ABCG5: variants seen among roughly 807,000 people sequenced by gnomAD.
ABCG5 encodes the protein ATP-binding cassette sub-family G member 5.
A neutral mutation model predicts 64.5 loss-of-function variants in ABCG5; 64 were observed. The ratio of observed to expected loss-of-function variants is 0.99; its 90% confidence interval spans 0.81 to 1.22. The LOEUF is 1.22. ABCG5 is among the 50% of genes most tolerant of loss of function. The probability of loss-of-function intolerance (pLI) is 0.00; values close to 1 mark genes in which losing one functional copy is unlikely to be tolerated. For missense variants in ABCG5, 908 were observed against 829.5 expected (o/e 1.09, Z -1.16); for synonymous variants, 385 against 326.3 (o/e 1.18, Z -1.94).
In ABCG5 at chr2:43,824,983, C is replaced by A; in HGVS notation, c.810G>T (p.Glu270Asp). The change falls in exon 7 of 13, where the codon GAG becomes GAT. Residue 270 changes from glutamate to aspartate, a missense_variant. Coordinates refer to ENST00000405322, the MANE Select transcript of ABCG5 (RefSeq NM_022436.3). Reference protein sequence around the residue: ...FDKIAILSFGELIFCGTPAEM... With the variant: ...FDKIAILSFGDLIFCGTPAEM... ...CCGCTGGCGTGCCACAGAAAATCAG[C>A]TCTCCGAAGCTCAGGATGGCAATTT... 1 of 1,613,970 alleles carries A rather than the reference C, an allele frequency of 6.2e-7. No individual in the cohort carries two copies. The highest frequency in any genetic ancestry group is 1.3e-5 in the African/African-American group (1 of 75,056).
At chr2:43,809,224 T>C (rs1411835425), downstream of ABCG5, among the ~76,000 whole-genome samples, 1 of 152,106 alleles carries the variant, frequency 6.6e-6, no homozygotes, top group African/African-American at 2.4e-5. Flanking sequence ...ATTCCTGGGC[T>C]CAAGCAATTC....
intron 2 of ABCG5, among the ~76,000 whole-genome samples, chr2:43,835,388 C>T (rs1408599557): frequency 6.6e-6 from 1 of 152,100 alleles, no homozygotes; most frequent in Admixed American, 6.6e-5. Flanking sequence ...AGGACTGCAA[C>T]AGGTGAAAAT....
chr2:43,810,965 G>A (rs1666460725), downstream of ABCG5, among the ~76,000 whole-genome samples: 2 of 152,182 alleles, frequency 1.3e-5, no homozygotes, highest in South Asian at 4.1e-4. Flanking sequence ...ACTGTCACAT[G>A]TTGAAAGCCA....
At chr2:43,824,832 C>G (rs1667487459) in intron 7 of ABCG5, 57 bp downstream of exon 7, 1 of 1,605,888 alleles carries the variant, frequency 6.2e-7, no homozygotes, top group Non-Finnish European at 8.5e-7. Flanking sequence ...AGGCAGAAGT[C>G]TGAGATGAGA....
rs199645586 is a variant in ABCG5 at position 43,827,958 on chromosome 2, A to C, written c.634+25T>G. 57 of 1,613,606 alleles carry C rather than the reference A, an allele frequency of 3.5e-5. No individual in the cohort carries two copies. The African/African-American group carries it at 7.2e-4, about 20-fold the overall frequency. On this transcript the variant is annotated intron_variant, in intron 5 of 12. Coordinates refer to ENST00000405322, the MANE Select transcript of ABCG5 (RefSeq NM_022436.3). ...CACAGAAGATGCCCAGACAGCAGCTAGTAACAGTTCTGGGTGCCACTTACT... is the reference window on the plus strand; with the variant it reads ...CACAGAAGATGCCCAGACAGCAGCTCGTAACAGTTCTGGGTGCCACTTACT...
chr2:43,808,716 C>A (rs1167620929), downstream of ABCG5, among the ~76,000 whole-genome samples: 1 of 152,130 alleles, frequency 6.6e-6, no homozygotes, highest in Non-Finnish European at 1.5e-5. Context: ...CTGCCCTCTC[C>A]CTATCTGTGT....
downstream of ABCG5, among the ~76,000 whole-genome samples, chr2:43,808,637 A>C (rs1458791273): frequency 3.3e-5 from 5 of 152,244 alleles, no homozygotes; most frequent in South Asian, 2.1e-4. Flanking sequence ...TGTAAAGGTA[A>C]GATATACTCC....
At chr2:43,836,312 G>T (rs1015644886) in intron 2 of ABCG5, among the ~76,000 whole-genome samples, 1 of 152,094 alleles carries the variant, frequency 6.6e-6, no homozygotes, top group South Asian at 2.1e-4. Context: ...AATAGCCATG[G>T]ATTCAATTCC....
At chr2:43,813,388 C>T (rs529740762) in intron 12 of ABCG5, 79 bp from the exon 13 acceptor site, 2 of 996,644 alleles carry the variant, frequency 2.0e-6, no homozygotes, top group Non-Finnish European at 3.1e-6. Context: ...CAAGCGCTTG[C>T]TAAGTACCCT....
At chr2:43,813,482 A>G (rs917741139) in intron 12 of ABCG5, among the ~76,000 whole-genome samples, 173 bp from the exon 13 acceptor site, 4 of 152,170 alleles carry the variant, frequency 2.6e-5, no homozygotes, top group African/African-American at 9.7e-5. Context: ...CTTTGGCTTC[A>G]TTTGAAGATG....
rs557253472 is a variant in ABCG5, at chr2:43,828,208, C to T, written c.502-93G>A. 3.1e-5 allele frequency: 49 copies of T among 1,579,800 alleles called. No individual in the cohort carries two copies. The South Asian group carries it at 3.4e-4, about 11-fold the overall frequency. ...GGAGGACATGAAAGAGGCAGCACAC[C>T]GCCCAAGAATCCAAGGGCCACTTCC... On this transcript the variant is annotated intron_variant, in intron 4 of 12. Transcript: ENST00000405322.
At chr2:43,825,052 C>A in intron 6 of ABCG5, 34 bp from the exon 7 acceptor site, 1 of 1,610,868 alleles carries the variant, frequency 6.2e-7, no homozygotes, top group South Asian at 1.1e-5. Flanking sequence ...AGTGTGTGAT[C>A]ACAAGGGTAG....
chr2:43,837,603 C>T (rs1668360579), intron 2 of ABCG5, among the ~76,000 whole-genome samples: 1 of 152,002 alleles, frequency 6.6e-6, no homozygotes, highest in South Asian at 2.1e-4. Flanking sequence ...ACTGTGGGGG[C>T]TTTTTATATT....
intron 11 of ABCG5, among the ~76,000 whole-genome samples, chr2:43,815,278 C>A (rs768941272): frequency 2.4e-4 from 36 of 152,184 alleles, no homozygotes; most frequent in Non-Finnish European, 3.5e-4. Context: ...TGTATATTTT[C>A]TGTCAATCAA....
chr2:43,815,867 C>A (rs1666780954), intron 11 of ABCG5, among the ~76,000 whole-genome samples: 1 of 129,894 alleles, frequency 7.7e-6, no homozygotes, highest in Non-Finnish European at 1.6e-5. Context: ...GTGACTCCAG[C>A]AAGAAGGATG....
chr2:43,820,998 C>T (rs1287658900), intron 10 of ABCG5, among the ~76,000 whole-genome samples: 2 of 151,908 alleles, frequency 1.3e-5, no homozygotes, highest in East Asian at 3.8e-4. Context: ...ATCCATGCAC[C>T]TTTCCTCTTA....
At chr2:43,833,153 G>A (rs764397551) in intron 2 of ABCG5, among the ~76,000 whole-genome samples, 28 of 151,976 alleles carry the variant, frequency 1.8e-4, no homozygotes, top group Non-Finnish European at 3.5e-4. Context: ...GAACCTGATG[G>A]CCCCTCAGTC....
chr2:43,822,774 G>A, intron 10 of ABCG5, 23 bp downstream of exon 10: 1 of 1,614,058 alleles, frequency 6.2e-7, no homozygotes, highest in Non-Finnish European at 8.5e-7. Flanking sequence ...GCCCGGCCCT[G>A]GGTGAACTGA....
chr2:43,830,996 G>C (rs1256235392), intron 4 of ABCG5, among the ~76,000 whole-genome samples: 1 of 152,202 alleles, frequency 6.6e-6, no homozygotes, highest in South Asian at 2.1e-4. Flanking sequence ...GTTCAAACAG[G>C]GAACTTGTAG....
Sources: allele counts gnomAD v4.1 joint callset (sites outside exome capture counted in the v4.1 genomes callset), GRCh38; gene constraint gnomAD v4.1.1; transcripts MANE v1.5; gene names NCBI Gene and HGNC (gene_info 2026-07-23, HGNC 2026-07-21).